Variants in CTNND2 observed in about 807,000 individuals in gnomAD.
CTNND2 encodes catenin delta 2.
In CTNND2, 22 loss-of-function variants were observed where a neutral mutation model predicts 144.4. The observed-to-expected ratio is 0.15, with a 90% CI of 0.11 to 0.22. The LOEUF is 0.22. CTNND2 is among the 10% of genes least tolerant of loss of function. The pLI is 1.00. For missense variants in CTNND2, 1,353 were observed against 1,618.8 expected (o/e 0.84, Z 2.82); for synonymous variants, 751 against 695.6 (o/e 1.08, Z -1.25).
chr5:11,360,798 A>G (rs959440493), intron 8 of CTNND2, among the ~76,000 whole-genome samples: 15 of 152,206 alleles, frequency 9.9e-5, no homozygotes, highest in African/African-American at 1.4e-4. Context: ...AAAATTGAAC[A>G]TGCTTAAGGA....
intron 3 of CTNND2, among the ~76,000 whole-genome samples, chr5:11,530,353 A>C (rs1773634789): frequency 3.3e-5 from 5 of 152,172 alleles, no homozygotes; most frequent in Admixed American, 3.3e-4. Context: ...TTATAGATCC[A>C]ATTTGGCCTC....
chr5:11,809,825 T>A (rs1256906034), intron 1 of CTNND2, among the ~76,000 whole-genome samples: 3 of 152,192 alleles, frequency 2.0e-5, no homozygotes, highest in Non-Finnish European at 4.4e-5. Context: ...GTACAGGGCA[T>A]CTGAGAAGTC....
chr5:11,140,912 T>G (rs1756664266), intron 12 of CTNND2, among the ~76,000 whole-genome samples: 1 of 152,230 alleles, frequency 6.6e-6, no homozygotes, highest in South Asian at 2.1e-4. Context: ...ATACTATTTT[T>G]ATTCCTTTTG....
In CTNND2 at chr5:11,768,455, A is replaced by G. The variant is rs563637287; in HGVS notation, c.38-36183T>C. Among the ~76,000 whole-genome samples, 12 of 152,126 alleles carry G rather than the reference A, an allele frequency of 7.9e-5. No individual in the cohort carries two copies. In the East Asian group the frequency reaches 2.3e-3, roughly 29 times the overall value. ...CAGGCATGCACCACCTTACCCAGCTAATTTTTTGTATTTTCAGTAGAGACG... is the reference window on the plus strand; with the variant it reads ...CAGGCATGCACCACCTTACCCAGCTGATTTTTTGTATTTTCAGTAGAGACG... On this transcript the variant is annotated intron_variant, in intron 1 of 21. Coordinates refer to ENST00000304623, the MANE Select transcript of CTNND2 (RefSeq NM_001332.4).
intron 2 of CTNND2, among the ~76,000 whole-genome samples, chr5:11,715,263 C>T (rs966478174): frequency 6.6e-6 from 1 of 152,156 alleles, no homozygotes; most frequent in African/African-American, 2.4e-5. Flanking sequence ...TCACAAGAGA[C>T]TGCCAAATGC....
chr5:11,863,491 A>T (rs990707977), intron 1 of CTNND2, among the ~76,000 whole-genome samples: 73 of 152,328 alleles, frequency 4.8e-4, no homozygotes, highest in Non-Finnish European at 9.0e-4. Context: ...AATTATTAAT[A>T]ACTTCCGGCA....
intron 13 of CTNND2, among the ~76,000 whole-genome samples, chr5:11,112,181 A>C (rs1485589758): frequency 2.0e-5 from 3 of 152,126 alleles, no homozygotes; most frequent in South Asian, 2.1e-4. Context: ...ACCTGCGCGT[A>C]TGTTAGGTCA....
chr5:11,385,704 T>C (rs1397231602), intron 6 of CTNND2: 1 of 152,178 alleles, frequency 6.6e-6, no homozygotes, highest in Non-Finnish European at 1.5e-5. Flanking sequence ...ACCTCTGAGA[T>C]TGGCCGAGTT....
At chr5:11,606,243 C>T (rs1191044910) in intron 2 of CTNND2, among the ~76,000 whole-genome samples, 1 of 152,182 alleles carries the variant, frequency 6.6e-6, no homozygotes, top group Non-Finnish European at 1.5e-5. Context: ...CAGATACTTC[C>T]CTAGAACCTC....
intron 1 of CTNND2, among the ~76,000 whole-genome samples, chr5:11,794,426 C>G (rs902201071): frequency 6.6e-6 from 1 of 152,186 alleles, no homozygotes; most frequent in Admixed American, 6.5e-5. Flanking sequence ...TGCGCAGATG[C>G]TACATGCTGT....
chr5:11,589,323 A>G (rs1423574219), intron 2 of CTNND2, among the ~76,000 whole-genome samples: 1 of 142,272 alleles, frequency 7.0e-6, no homozygotes, highest in Non-Finnish European at 1.6e-5. Flanking sequence ...GACAACAACA[A>G]CAACAAAAAA....
At chr5:11,649,178 TTTA>T (rs1298332395) in intron 2 of CTNND2, among the ~76,000 whole-genome samples, 13 of 152,342 alleles carry the variant, frequency 8.5e-5, no homozygotes, top group Admixed American at 3.9e-4. Context: ...TGAGATATGC[TTTA>T]TTATTACATT....
At chr5:11,582,987 C>T (rs894675705) in intron 2 of CTNND2, among the ~76,000 whole-genome samples, 2 of 152,180 alleles carry the variant, frequency 1.3e-5, no homozygotes, top group African/African-American at 4.8e-5. Context: ...TGAAAACTCA[C>T]GTTTTCTCAA....
intron 1 of CTNND2, among the ~76,000 whole-genome samples, chr5:11,735,866 T>C (rs559617070): frequency 2.6e-5 from 4 of 152,182 alleles, no homozygotes; most frequent in Admixed American, 2.0e-4. Flanking sequence ...ATGTCTTTAT[T>C]AGCAGCATGA....
chr5:11,439,843 A>AT lies in CTNND2; in HGVS notation c.288-27775dup, dbSNP rs202002910. On this transcript the variant is annotated intron_variant, in intron 3 of 21. Coordinates refer to ENST00000304623, the MANE Select transcript of CTNND2 (RefSeq NM_001332.4). ...TATATATGTGTATGTATATATATTT[A>AT]TTTTTTTTTTAGAGACAGGGTCTTG... 1.1e-3 allele frequency among the ~76,000 whole-genome samples: 155 copies of AT among 146,340 alleles called. 1 individual carries two copies. Among genetic ancestry groups the AT allele is most frequent in the African/African-American group, 3.6e-3 (144 of 40,082 alleles).
At chr5:11,555,318 G>A (rs578216248) in intron 3 of CTNND2, among the ~76,000 whole-genome samples, 20 of 152,270 alleles carry the variant, frequency 1.3e-4, no homozygotes, top group African/African-American at 4.8e-4. Flanking sequence ...CTTTAATCCA[G>A]TTTGTGTATT....
intron 2 of CTNND2, among the ~76,000 whole-genome samples, chr5:11,657,692 T>G (rs1782987992): frequency 6.6e-6 from 1 of 152,142 alleles, no homozygotes; most frequent in South Asian, 2.1e-4. Context: ...AAGAAGTACA[T>G]TTTGAATAAC....
chr5:11,259,760 T>G (rs1744669093), intron 9 of CTNND2, among the ~76,000 whole-genome samples: 1 of 152,218 alleles, frequency 6.6e-6, no homozygotes, highest in Non-Finnish European at 1.5e-5. Context: ...TGCTGAATTC[T>G]TTCTCTTCAG....
intron 11 of CTNND2, among the ~76,000 whole-genome samples, chr5:11,196,759 C>T (rs1316791710): frequency 6.6e-6 from 1 of 152,172 alleles, no homozygotes; most frequent in East Asian, 1.9e-4. Flanking sequence ...CAGTGCTGCA[C>T]ACTCCTGACC....
Sources: gnomAD v4.1 joint callset for allele counts (sites outside exome capture counted in the v4.1 genomes callset) on GRCh38, gnomAD v4.1.1 for gene constraint, MANE v1.5 for transcripts, NCBI Gene and HGNC (gene_info 2026-07-23, HGNC 2026-07-21) for gene names.